Variants in ABCB1 observed in about 807,000 individuals in gnomAD.
The protein encoded by ABCB1 is ATP-dependent translocase ABCB1.
A neutral mutation model predicts 142.0 loss-of-function variants in ABCB1; 69 were observed. The ratio of observed to expected loss-of-function variants is 0.49; its 90% CI spans 0.40 to 0.59. The LOEUF is 0.59. Ranked by LOEUF, ABCB1 falls within the 20% of genes least tolerant of loss-of-function variation. The pLI, the probability that ABCB1 is intolerant of heterozygous loss-of-function variation, is 0.00. For synonymous variants in ABCB1, 532 were observed against 539.2 expected, an observed-to-expected ratio of 0.99 and a Z score of 0.18; for missense variants, 1,326 against 1,554.7, an observed-to-expected ratio of 0.85 and a Z score of 2.47.
chr7:87,553,421 C>T (rs865957299), intron 9 of ABCB1, among the ~76,000 whole-genome samples: 21 of 148,062 alleles, frequency 1.4e-4, no homozygotes, highest in Middle Eastern at 3.6e-3. Context: ...CCCGGGTTAA[C>T]GCCATTCTCT....
intron 24 of ABCB1, among the ~76,000 whole-genome samples, chr7:87,516,033 A>G (rs1474928066): frequency 6.6e-6 from 1 of 152,178 alleles, no homozygotes; most frequent in Non-Finnish European, 1.5e-5. Context: ...ACTTACATAC[A>G]ATAAAATCTG....
chr7:87,554,636 T>C (rs1817236370), intron 8 of ABCB1, among the ~76,000 whole-genome samples: 1 of 152,242 alleles, frequency 6.6e-6, no homozygotes, highest in African/African-American at 2.4e-5. Context: ...CTCTTCCTTC[T>C]CCTTTCTACA....
chr7:87,637,522 GA>G (rs750563294), intron 1 of ABCB1, among the ~76,000 whole-genome samples: 148 of 152,136 alleles, frequency 9.7e-4, no homozygotes, highest in South Asian at 3.1e-3. Context: ...CCATCTTTAT[GA>G]TATTAAGACT....
At chr7:87,693,628 G>A (rs1255559224) in intron 1 of ABCB1, among the ~76,000 whole-genome samples, 8 of 152,086 alleles carry the variant, frequency 5.3e-5, no homozygotes, top group Non-Finnish European at 1.0e-4. Context: ...AATGATGGAG[G>A]TAAAAGTAAA....
chr7:87,595,756 C>A lies in ABCB1; in HGVS notation c.117+10G>T. 1.3e-6 allele frequency: 2 copies of A among 1,599,504 alleles called. No individual in the cohort carries two copies. Among genetic ancestry groups the A allele is most frequent in the South Asian group, 1.1e-5 (1 of 90,558 alleles). ...AAGTATTTTGAATAGTTAATAAATT[C>A]AAAACTCACCATTGAAAATACACTG... is the stretch of plus-strand genomic sequence containing the variant. On this transcript the variant is annotated intron_variant, in intron 3 of 27. Coordinates refer to ENST00000622132, the MANE Select transcript of ABCB1 (RefSeq NM_001348946.2).
intron 1 of ABCB1, among the ~76,000 whole-genome samples, chr7:87,705,474 C>G (rs778180831): frequency 1.3e-5 from 2 of 152,022 alleles, no homozygotes; most frequent in Non-Finnish European, 2.9e-5. Flanking sequence ...GAAATGCTAA[C>G]CATTCCCTTT....
At chr7:87,580,224 C>G (rs1413654632) in intron 4 of ABCB1, among the ~76,000 whole-genome samples, 1 of 152,112 alleles carries the variant, frequency 6.6e-6, no homozygotes, top group Non-Finnish European at 1.5e-5. Flanking sequence ...CATTTCTTGT[C>G]TAGACAGGTC....
intron 1 of ABCB1, among the ~76,000 whole-genome samples, chr7:87,711,252 G>A (rs1042295469): frequency 4.6e-5 from 7 of 151,978 alleles, no homozygotes; most frequent in African/African-American, 1.7e-4. Context: ...TTTGAACCCA[G>A]GAGGCAGAGG....
At chr7:87,507,616 C>T (rs1391365793) in intron 26 of ABCB1, among the ~76,000 whole-genome samples, 1 of 152,062 alleles carries the variant, frequency 6.6e-6, no homozygotes, top group Non-Finnish European at 1.5e-5. Flanking sequence ...AGCAGTTATC[C>T]AAAGAAGAGC....
chr7:87,621,886 T>A (rs1563077830), intron 1 of ABCB1, among the ~76,000 whole-genome samples: 1 of 152,126 alleles, frequency 6.6e-6, no homozygotes, highest in Non-Finnish European at 1.5e-5. Context: ...AATTATTTCA[T>A]GATAAATTTA....
At chr7:87,649,026 G>A (rs1389736725) in intron 1 of ABCB1, among the ~76,000 whole-genome samples, 1 of 151,770 alleles carries the variant, frequency 6.6e-6, no homozygotes, top group African/African-American at 2.4e-5. Context: ...AAAAAAGCTT[G>A]TACTCTTTTA....
At chr7:87,521,069 A>T in intron 21 of ABCB1, 193 bp from the exon 22 acceptor site, 1 of 571,874 alleles carries the variant, frequency 1.7e-6, no homozygotes, top group African/African-American at 1.9e-5. Context: ...AAGATTGACT[A>T]ATTCAAACTT....
At chr7:87,634,253 A>T (rs929011376) in intron 1 of ABCB1, among the ~76,000 whole-genome samples, 2 of 152,258 alleles carry the variant, frequency 1.3e-5, no homozygotes, top group Middle Eastern at 3.4e-3. Context: ...ATCACATTGG[A>T]GATCAAATTT....
chr7:87,561,201 C>G lies in ABCB1; in HGVS notation c.827+62G>C, dbSNP rs1023198934. 2.5e-6 allele frequency: 4 copies of G among 1,593,364 alleles called. No individual in the cohort carries two copies. The African/African-American group carries it at 4.0e-5, about 16-fold the overall frequency. On this transcript the variant is annotated intron_variant, in intron 8 of 27. Coordinates refer to ENST00000622132, the MANE Select transcript of ABCB1 (RefSeq NM_001348946.2). The stretch of plus-strand genomic sequence containing the variant: ...AATGCTTATAAATAACACTGTCAAT[C>G]TGAAGGGCATTTGAGAAGACAGAAT...
intron 26 of ABCB1, 142 bp downstream of exon 26, chr7:87,509,133 G>A: frequency 4.9e-6 from 4 of 819,820 alleles, no homozygotes; most frequent in Non-Finnish European, 8.1e-6. Flanking sequence ...AGGAAGTGTG[G>A]CCAGATGCTT....
intron 4 of ABCB1, among the ~76,000 whole-genome samples, chr7:87,573,583 A>T (rs919861904): frequency 6.6e-5 from 10 of 152,308 alleles, no homozygotes; most frequent in Middle Eastern, 3.4e-3. Flanking sequence ...CCCAGATTTT[A>T]TATTTGAAAG....
At chr7:87,515,745 C>G (rs2117084574) in intron 24 of ABCB1, among the ~76,000 whole-genome samples, 1 of 151,870 alleles carries the variant, frequency 6.6e-6, no homozygotes, top group East Asian at 1.9e-4. Context: ...CGTGTGCCAC[C>G]ACACCCAGCT....
intron 14 of ABCB1, among the ~76,000 whole-genome samples, chr7:87,546,695 G>A (rs1816799128): frequency 6.6e-6 from 1 of 152,082 alleles, no homozygotes; most frequent in African/African-American, 2.4e-5. Flanking sequence ...CTAGTAATCA[G>A]CCCTAGGAAT....
At chr7:87,590,929 T>C (rs2129956915) in intron 3 of ABCB1, among the ~76,000 whole-genome samples, 1 of 152,276 alleles carries the variant, frequency 6.6e-6, no homozygotes, top group East Asian at 1.9e-4. Flanking sequence ...GAGAGTAAAG[T>C]CTTGACCAGG....
Sources: gnomAD v4.1 joint callset for allele counts (sites outside exome capture counted in the v4.1 genomes callset) on GRCh38, gnomAD v4.1.1 for gene constraint, MANE v1.5 for transcripts, NCBI Gene and HGNC (gene_info 2026-07-23, HGNC 2026-07-21) for gene names.